The following MYOM1 variants were observed in gnomAD, a reference collection of about 807,000 sequenced individuals.
MYOM1 encodes the protein myomesin 1.
MYOM1 carries 164 observed loss-of-function variants against 205.3 expected under a neutral mutation model. The observed-to-expected ratio is 0.80, with a 90% CI of 0.70 to 0.91. MYOM1 has a LOEUF of 0.91. Among genes scored for constraint, MYOM1 ranks in the 40% least tolerant of loss-of-function variants. The pLI is 0.00. For missense variants in MYOM1, 2,011 were observed against 2,127.3 expected, an observed-to-expected ratio of 0.95 and a Z score of 1.08; for synonymous variants, 772 against 789.4, an observed-to-expected ratio of 0.98 and a Z score of 0.37.
chr18:3,081,808 AAAT>A (rs2079089438), intron 33 of MYOM1, among the ~76,000 whole-genome samples: 1 of 152,238 alleles, frequency 6.6e-6, no homozygotes, highest in South Asian at 2.1e-4. Flanking sequence ...ATGACTCAGG[AAAT>A]AATAAATCAT....
chr18:3,240,987 G>A, the MYOM1 span, among the ~76,000 whole-genome samples: 11 of 152,218 alleles, frequency 7.2e-5, no homozygotes, highest in East Asian at 1.7e-3. Flanking sequence ...GATGATTTAG[G>A]GTATCTGGCA....
intron 13 of MYOM1, 122 bp downstream of exon 13, chr18:3,149,023 C>A: frequency 1.3e-6 from 1 of 773,820 alleles, no homozygotes; most frequent in South Asian, 1.5e-5. Flanking sequence ...TTACAATCTC[C>A]AGATATTTTA....
chr18:3,100,446 T>C lies in MYOM1; in HGVS notation c.3576-20A>G, dbSNP rs1325158409. ...TTCGTCCTTCGGAACAAAATATTTT[T>C]CTTAGAAATGAGGCTGTGTGGGATC... On this transcript the variant is annotated intron_variant, in intron 23 of 37. Transcript: ENST00000356443. The C allele has an allele frequency of 2.5e-6, 4 of 1,583,534 alleles. No homozygotes were observed. The highest frequency in any genetic ancestry group is 2.6e-6 in the Non-Finnish European group (3 of 1,155,610).
chr18:3,226,482 C>G, the MYOM1 span, among the ~76,000 whole-genome samples: 1 of 152,062 alleles, frequency 6.6e-6, no homozygotes, highest in Non-Finnish European at 1.5e-5. The surrounding 1 kb of genome is among the most constrained non-coding windows in gnomAD (Gnocchi z 4.6). Flanking sequence ...CGGGTAATTC[C>G]TTGCAAGCCC....
chr18:3,095,464 A>T (rs1259265003), intron 25 of MYOM1, among the ~76,000 whole-genome samples: 2 of 152,146 alleles, frequency 1.3e-5, no homozygotes, highest in Non-Finnish European at 2.9e-5. Flanking sequence ...GCTACTCAAG[A>T]GGCTGAGGCA....
intron 36 of MYOM1, among the ~76,000 whole-genome samples, chr18:3,074,293 A>C (rs1435079123): frequency 6.6e-6 from 1 of 151,928 alleles, no homozygotes; most frequent in Non-Finnish European, 1.5e-5. Flanking sequence ...CAGGAGGGGG[A>C]AAGTGGAGAA....
chr18:3,156,158 G>T (rs530103908), intron 10 of MYOM1, among the ~76,000 whole-genome samples: 30 of 152,270 alleles, frequency 2.0e-4, no homozygotes, highest in African/African-American at 7.0e-4. Flanking sequence ...AAGACAAGAG[G>T]CAGGGTCCCT....
At chr18:3,147,686 G>C (rs1158114836) in intron 13 of MYOM1, among the ~76,000 whole-genome samples, 5 of 152,154 alleles carry the variant, frequency 3.3e-5, no homozygotes, top group Non-Finnish European at 7.4e-5. Flanking sequence ...TCCAGAAATT[G>C]ATCCACACAT....
At chr18:3,243,517 G>A in the MYOM1 span, among the ~76,000 whole-genome samples, 1 of 152,246 alleles carries the variant, frequency 6.6e-6, no homozygotes, top group Non-Finnish European at 1.5e-5. Flanking sequence ...AATAAAATAT[G>A]GGCTTCGGGC....
At chr18:3,139,250 T>G (rs1162517925) in intron 14 of MYOM1, among the ~76,000 whole-genome samples, 5 of 152,242 alleles carry the variant, frequency 3.3e-5, no homozygotes, top group Non-Finnish European at 5.9e-5. Context: ...GTTCCTGCTG[T>G]TAACGAGTGA....
At position 3,067,251 on chromosome 18, in the gene MYOM1, C is replaced by T. The variant is rs755402798; in HGVS notation, c.*11G>A. Reference sequence around the variant, plus strand: ...GTCACACAGGCCGGCTGGCTCTCCTCGCACCTCCGGTCACTTGGCCTTCTT... The same window carrying T: ...GTCACACAGGCCGGCTGGCTCTCCTTGCACCTCCGGTCACTTGGCCTTCTT... On this transcript the variant is annotated 3_prime_UTR_variant, in exon 38 of 38. Coordinates refer to ENST00000356443, the MANE Select transcript of MYOM1 (RefSeq NM_003803.4). 20 of 1,579,504 alleles carry T rather than the reference C, an allele frequency of 1.3e-5. No homozygotes were observed. Among genetic ancestry groups the T allele is most frequent in the African/African-American group, 8.1e-5 (6 of 74,076 alleles).
At chr18:3,150,389 C>T (rs779486102) in intron 12 of MYOM1, among the ~76,000 whole-genome samples, 3 of 151,934 alleles carry the variant, frequency 2.0e-5, no homozygotes, top group Admixed American at 6.6e-5. Context: ...TAGACTTTTA[C>T]GATGCCACTA....
chr18:3,246,440 T>C, the MYOM1 span: 1 of 152,228 alleles, frequency 6.6e-6, no homozygotes, highest in Non-Finnish European at 1.5e-5. Context: ...TTTTAATTAG[T>C]ACCCCAAGTC....
intron 12 of MYOM1, among the ~76,000 whole-genome samples, chr18:3,150,596 A>C (rs2080204605): frequency 6.6e-6 from 1 of 152,102 alleles, no homozygotes; most frequent in Non-Finnish European, 1.5e-5. Context: ...AACAACAAAG[A>C]ATTACTGGCC....
At position 3,152,603 on chromosome 18, in the gene MYOM1, A is replaced by G. The variant is rs1021478156; in HGVS notation, c.1644-710T>C. Among the ~76,000 whole-genome samples the G allele has an allele frequency of 1.3e-5, 2 of 152,214 alleles. No individual in the cohort carries two copies. Among genetic ancestry groups the G allele is most frequent in the African/African-American group, 4.8e-5 (2 of 41,462 alleles). On this transcript the variant is annotated intron_variant, in intron 11 of 37. Transcript: ENST00000356443. This position sits in a 1 kb window ranked among gnomAD's most constrained non-coding sequence, Gnocchi z 4.3. ...TCCCAGCAGACAAATATGACAGCTC[A>G]TATCATGCTGTTGGCCTGATCAACA... is the stretch of plus-strand genomic sequence containing the variant.
intron 21 of MYOM1, among the ~76,000 whole-genome samples, chr18:3,115,706 T>C (rs1290447726): frequency 5.3e-5 from 8 of 152,216 alleles, no homozygotes; most frequent in Non-Finnish European, 1.0e-4. Flanking sequence ...TTCCTTTTGC[T>C]ACAAATGAGA....
chr18:3,118,694 T>C (rs2079642401), intron 20 of MYOM1, among the ~76,000 whole-genome samples: 1 of 152,162 alleles, frequency 6.6e-6, no homozygotes, highest in Non-Finnish European at 1.5e-5. Context: ...TCTTAGTCTC[T>C]AGTCGATTGC....
chr18:3,142,133 C>T (rs1463271785), intron 13 of MYOM1, 70 bp from the exon 14 acceptor site: 8 of 1,546,814 alleles, frequency 5.2e-6, no homozygotes, highest in South Asian at 3.6e-5. Flanking sequence ...GAGCCAAAGA[C>T]GCTGCTCTCC....
At chr18:3,197,630 T>C (rs966570143) in intron 2 of MYOM1, among the ~76,000 whole-genome samples, 9 of 152,104 alleles carry the variant, frequency 5.9e-5, no homozygotes, top group African/African-American at 1.2e-4. Context: ...TCCCAGCACG[T>C]TGGGAGGCCA....
Sources: gnomAD v4.1 joint callset for allele counts (sites outside exome capture counted in the v4.1 genomes callset) on GRCh38, gnomAD v4.1.1 for gene constraint, Gnocchi (gnomAD v3.1) non-coding constraint, MANE v1.5 for transcripts, NCBI Gene and HGNC (gene_info 2026-07-23, HGNC 2026-07-21) for gene names.